PCDHGA11: variants seen among roughly 807,000 people sequenced by gnomAD.
PCDHGA11 encodes the protein protocadherin gamma subfamily A, 11.
In PCDHGA11, 39 loss-of-function variants were observed where a neutral mutation model predicts 60.4. That is an observed-to-expected ratio of 0.65 (90% CI 0.50 to 0.84). The LOEUF is 0.84. Among genes scored for constraint, PCDHGA11 ranks in the 40% least tolerant of loss-of-function variants. The pLI, the probability that PCDHGA11 is intolerant of heterozygous loss-of-function variation, is 0.00. For missense variants in PCDHGA11, 1,165 were observed against 1,197.7 expected (o/e 0.97, Z 0.40); for synonymous variants, 533 against 510.3 (o/e 1.04, Z -0.60).
Position 141,486,443 on chromosome 5 carries a change from A to G in PCDHGA11, c.2434-8364A>G, listed in dbSNP as rs747419698. Reference sequence around the variant, plus strand: ...AGAGGCCAAATCTAGCTATGACATCATGGTCACTGCTTCTGATGCTGGGAA... The same window carrying G: ...AGAGGCCAAATCTAGCTATGACATCGTGGTCACTGCTTCTGATGCTGGGAA... On this transcript the variant is annotated intron_variant, in intron 1 of 3. Transcript: ENST00000398587. The surrounding 1 kb of genome is among the most constrained non-coding windows in gnomAD (Gnocchi z 5.0). The G allele has an allele frequency of 1.9e-6, 3 of 1,614,060 alleles. No individual in the cohort carries two copies. Among genetic ancestry groups the G allele is most frequent in the South Asian group, 2.2e-5 (2 of 91,080 alleles).
chr5:141,444,997 A>G (rs2154560871), intron 1 of PCDHGA11, among the ~76,000 whole-genome samples: 1 of 152,292 alleles, frequency 6.6e-6, no homozygotes, highest in Admixed American at 6.5e-5. Context: ...ATATATTTCC[A>G]TTTAATTAGG....
intron 2 of PCDHGA11, among the ~76,000 whole-genome samples, chr5:141,500,985 C>T (rs2099804537): frequency 6.6e-6 from 1 of 152,048 alleles, no homozygotes; most frequent in Non-Finnish European, 1.5e-5. Flanking sequence ...TCTCCTGCCT[C>T]AGCCTCCTGA....
chr5:141,438,591 C>CATAT (rs946798767), intron 1 of PCDHGA11, among the ~76,000 whole-genome samples: 211 of 75,392 alleles, frequency 2.8e-3, no homozygotes, highest in Non-Finnish European at 4.1e-3. Context: ...TACATACATA[C>CATAT]ATATATATAT....
chr5:141,505,546 C>T (rs555460173), intron 3 of PCDHGA11, 65 bp downstream of exon 3: 36 of 1,608,242 alleles, frequency 2.2e-5, no homozygotes, highest in South Asian at 7.7e-5. Context: ...CATCTCACAG[C>T]CACCATGCCC....
chr5:141,453,997 A>C (rs1332821058), intron 1 of PCDHGA11, among the ~76,000 whole-genome samples: 2 of 152,242 alleles, frequency 1.3e-5, no homozygotes, highest in Non-Finnish European at 2.9e-5. Context: ...TGATAAACCC[A>C]CATAACATTT....
At chr5:141,458,103 T>TA (rs1401283935) in intron 1 of PCDHGA11, among the ~76,000 whole-genome samples, 2 of 152,212 alleles carry the variant, frequency 1.3e-5, no homozygotes, top group Non-Finnish European at 2.9e-5. Context: ...TACTTACAGA[T>TA]AGTCTCCAAA....
In PCDHGA11 at chr5:141,505,466, T is replaced by C. The variant is rs763151131; in HGVS notation, c.2566T>C (p.Leu856=). 1 of 1,614,200 alleles carries C rather than the reference T, an allele frequency of 6.2e-7. No individual in the cohort carries two copies. The highest frequency in any genetic ancestry group is 1.3e-5 in the African/African-American group (1 of 75,068). The part of the protein sequence containing the change: ...FDTEMLQAMI[L]ASASEAADGS... Reference sequence around the variant, plus strand: ...CACAGAGATGCTGCAAGCCATGATCTTGGCGTCCGCCAGTGGTAAGTGGTG... The same window carrying C: ...CACAGAGATGCTGCAAGCCATGATCCTGGCGTCCGCCAGTGGTAAGTGGTG... The change falls in exon 3 of 4, where the codon TTG becomes CTG. Residue 856 remains leucine, a synonymous_variant. Transcript: ENST00000398587.
intron 1 of PCDHGA11, among the ~76,000 whole-genome samples, chr5:141,455,289 A>C (rs1592356100): frequency 6.6e-6 from 1 of 152,074 alleles, no homozygotes; most frequent in South Asian, 2.1e-4. Flanking sequence ...ATCACTTTAC[A>C]TAGTTTCATC....
At position 141,432,275 on chromosome 5, in the gene PCDHGA11, T is replaced by C. The variant is rs775413198; in HGVS notation, c.2433+8615T>C. 2 of 1,614,232 alleles carry C rather than the reference T, an allele frequency of 1.2e-6. No homozygotes were observed. Among genetic ancestry groups the C allele is most frequent in the South Asian group, 2.2e-5 (2 of 91,086 alleles). On this transcript the variant is annotated intron_variant, in intron 1 of 3. Coordinates refer to ENST00000398587, the MANE Select transcript of PCDHGA11 (RefSeq NM_018914.3). This position sits in a 1 kb window ranked among gnomAD's most constrained non-coding sequence, Gnocchi z 6.0. ...AGGGGCAAGCCTATCGTCCTACGTG[T>C]CCATCAACTCCGACACTGGGGTACT... is the stretch of plus-strand genomic sequence containing the variant.
chr5:141,465,142 T>TCCCTAA (rs2099097979), intron 1 of PCDHGA11, among the ~76,000 whole-genome samples: 3 of 151,990 alleles, frequency 2.0e-5, no homozygotes, highest in Non-Finnish European at 4.4e-5. Flanking sequence ...GTTTAGGGGA[T>TCCCTAA]ATATGAAGGG....
At chr5:141,436,173 A>T (rs556225963) in intron 1 of PCDHGA11, among the ~76,000 whole-genome samples, 1 of 152,302 alleles carries the variant, frequency 6.6e-6, no homozygotes, top group East Asian at 1.9e-4. Context: ...GACAGTTCTC[A>T]TATATAGTCA....
intron 2 of PCDHGA11, among the ~76,000 whole-genome samples, chr5:141,495,377 G>A (rs558501090): frequency 1.9e-4 from 29 of 152,330 alleles, no homozygotes; most frequent in Admixed American, 6.5e-4. Flanking sequence ...ACTGAGGAAG[G>A]ACTGGGCGGG....
intron 1 of PCDHGA11, among the ~76,000 whole-genome samples, chr5:141,473,990 G>A (rs988540565): frequency 2.0e-5 from 3 of 152,130 alleles, no homozygotes; most frequent in African/African-American, 7.2e-5. Flanking sequence ...GATCCCTTGA[G>A]CCCAAGGAGC....
intron 1 of PCDHGA11, among the ~76,000 whole-genome samples, chr5:141,459,559 A>AC (rs920626314): frequency 6.6e-6 from 1 of 152,198 alleles, no homozygotes; most frequent in Non-Finnish European, 1.5e-5. Flanking sequence ...TTGGATAAAT[A>AC]CCCCAAAACA....
rs751894091 is a variant in PCDHGA11, at chr5:141,423,256, G to C, written c.2029G>C (p.Gly677Arg). Reference sequence around the variant, plus strand: ...CATCCCCGAAGTCCTGGCGGACCTCGGCAGCCTCGAGTCTCTGGCTAACTC... The same window carrying C: ...CATCCCCGAAGTCCTGGCGGACCTCCGCAGCCTCGAGTCTCTGGCTAACTC... ...DSIPEVLADL[G>R]SLESLANSET... The change falls in exon 1 of 4, where the codon GGC becomes CGC. Residue 677 changes from glycine (G) to arginine (R), a missense_variant. Gly to Arg is a moderately radical substitution (Grantham distance 125). Transcript: ENST00000398587. 1 of 1,613,934 alleles carries C rather than the reference G, an allele frequency of 6.2e-7. No individual in the cohort carries two copies.
intron 1 of PCDHGA11, among the ~76,000 whole-genome samples, chr5:141,460,612 T>C (rs1215147315): frequency 6.6e-6 from 1 of 152,128 alleles, no homozygotes; most frequent in African/African-American, 2.4e-5. Flanking sequence ...GTTAGATGGA[T>C]AGATAGACAG....
chr5:141,447,848 G>A (rs539844218), intron 1 of PCDHGA11, among the ~76,000 whole-genome samples: 46 of 152,302 alleles, frequency 3.0e-4, no homozygotes, highest in East Asian at 2.7e-3. Context: ...TGCTTTGGGA[G>A]GCCGAGGTGG....
intron 1 of PCDHGA11, chr5:141,426,597 T>C (rs2096946172): frequency 2.6e-6 from 1 of 377,476 alleles, no homozygotes. Context: ...TGTCATACCC[T>C]TAGAGATTGT....
chr5:141,427,222 A>G (rs536161247), intron 1 of PCDHGA11: 1 of 456,774 alleles, frequency 2.2e-6, no homozygotes, highest in South Asian at 1.5e-5. Flanking sequence ...CGTAGCAGTT[A>G]TACCATGAGA....
Sources: allele counts gnomAD v4.1 joint callset (sites outside exome capture counted in the v4.1 genomes callset), GRCh38; gene constraint gnomAD v4.1.1; non-coding constraint Gnocchi (gnomAD v3.1); transcripts MANE v1.5; gene names NCBI Gene and HGNC (gene_info 2026-07-23, HGNC 2026-07-21).